RSF1: variants seen among roughly 807,000 people sequenced by gnomAD.
RSF1 encodes the protein remodeling and spacing factor 1, also known as HBV pX-associated protein 8.
A neutral mutation model predicts 145.2 loss-of-function variants in RSF1; 13 were observed. The observed-to-expected ratio is 0.09, with a 90% CI of 0.06 to 0.14. RSF1 has a LOEUF of 0.14. RSF1 is among the 10% of genes least tolerant of loss of function. RSF1 has a pLI of 1.00. For missense variants in RSF1, 1,517 were observed against 1,718.2 expected (o/e 0.88, Z 2.07); for synonymous variants, 577 against 592.6 (o/e 0.97, Z 0.38).
the RSF1 span, among the ~76,000 whole-genome samples, chr11:77,837,592 C>T: frequency 5.3e-5 from 8 of 151,928 alleles, no homozygotes; most frequent in Non-Finnish European, 1.2e-4. Context: ...TGCATCACTA[C>T]GCCCGGCTAA....
intron 7 of RSF1, 117 bp from the exon 8 acceptor site, chr11:77,693,728 T>C: frequency 2.3e-6 from 1 of 434,166 alleles, no homozygotes; most frequent in Non-Finnish European, 4.1e-6. Context: ...TGCATAAAGC[T>C]AGTAAATAAA....
Position 77,797,716 on chromosome 11 carries a change from T to G in RSF1, c.187+22812A>C, listed in dbSNP as rs754829298. On this transcript the variant is annotated intron_variant, in intron 1 of 15. Transcript: ENST00000308488. ...ACAGCAAAAGAAACTATCATCAGAGTGAACAGGCAACCCATAGAATGAGAA... is the reference window on the plus strand; with the variant it reads ...ACAGCAAAAGAAACTATCATCAGAGGGAACAGGCAACCCATAGAATGAGAA... Among the ~76,000 whole-genome samples, 13 of 152,082 alleles carry G rather than the reference T, an allele frequency of 8.5e-5. No individual in the cohort carries two copies. In the South Asian group the frequency reaches 1.2e-3, roughly 15 times the overall value.
intron 1 of RSF1, among the ~76,000 whole-genome samples, chr11:77,796,465 T>C (rs1453825028): frequency 6.6e-6 from 1 of 152,188 alleles, no homozygotes; most frequent in Non-Finnish European, 1.5e-5. Flanking sequence ...GAACAGCCTT[T>C]CATGCTAAAA....
intron 8 of RSF1, among the ~76,000 whole-genome samples, chr11:77,693,204 T>C (rs1183837322): frequency 6.6e-6 from 1 of 152,162 alleles, no homozygotes; most frequent in Non-Finnish European, 1.5e-5. Flanking sequence ...AAGTGATACA[T>C]AGGAAGAAAC....
chr11:77,842,695 C>CA, the RSF1 span: 1 of 1,579,466 alleles, frequency 6.3e-7, no homozygotes, highest in Non-Finnish European at 8.6e-7. Flanking sequence ...TCCTAAGCTG[C>CA]AATGACTAAG....
chr11:77,845,566 G>C, the RSF1 span, among the ~76,000 whole-genome samples: 1 of 151,992 alleles, frequency 6.6e-6, no homozygotes, highest in Non-Finnish European at 1.5e-5. Flanking sequence ...GTGTAGCTGG[G>C]ATTACAGGTG....
intron 4 of RSF1, among the ~76,000 whole-genome samples, chr11:77,735,897 G>A (rs1487424723): frequency 2.0e-5 from 3 of 152,070 alleles, no homozygotes; most frequent in Non-Finnish European, 2.9e-5. Context: ...ACGCCACAAT[G>A]CCAGCTAATT....
In RSF1 at chr11:77,701,324, AATG is replaced by A; in HGVS notation, c.1902_1904del (p.Ile635del). 1 of 1,614,056 alleles carries A rather than the reference AATG, an allele frequency of 6.2e-7. No homozygotes were observed. The highest frequency in any genetic ancestry group is 2.2e-5 in the East Asian group (1 of 44,874). On this transcript the variant is annotated inframe_deletion, in exon 6 of 16. Coordinates refer to ENST00000308488, the MANE Select transcript of RSF1 (RefSeq NM_016578.4). Reference sequence around the variant, plus strand: ...CTGAGGCTAGTTTCTCACAGTGGTCAATGATATTAGATGGTGGAGAAGTTTCAG... The same window carrying A: ...CTGAGGCTAGTTTCTCACAGTGGTCAATATTAGATGGTGGAGAAGTTTCAG...
chr11:77,747,798 G>A (rs1022941998), intron 2 of RSF1, among the ~76,000 whole-genome samples: 28 of 152,216 alleles, frequency 1.8e-4, no homozygotes, highest in Admixed American at 4.6e-4. Flanking sequence ...GAGGAAGCCA[G>A]TAAGGGAGGT....
chr11:77,813,107 C>T (rs374093021), intron 1 of RSF1, among the ~76,000 whole-genome samples: 21 of 151,988 alleles, frequency 1.4e-4, no homozygotes, highest in African/African-American at 4.8e-4. Context: ...AACAGAAAGG[C>T]ACAAATTATG....
rs536098831 is a variant in RSF1, at chr11:77,700,742, A to C, written c.2487T>G (p.Asp829Glu). The change falls in exon 6 of 16, where the codon GAT becomes GAG. Residue 829 changes from aspartate (D) to glutamate (E), a missense_variant. Physicochemically the swap from Asp to Glu is conservative, Grantham distance 45. Transcript: ENST00000308488. ...TTACCTTGCTTACTTTAGAATTTGT[A>C]TCTTTCTCTGATTTTTTCAAAATTT... ...KKEILKKSEK[D>E]TNSKVSKVKP... is the part of the protein sequence containing the mutation. The C allele has an allele frequency of 1.1e-5, 18 of 1,585,358 alleles. No individual in the cohort carries two copies. The South Asian group carries it at 2.1e-4, about 19-fold the overall frequency.
At chr11:77,774,549 C>A (rs1314515299) in intron 1 of RSF1, among the ~76,000 whole-genome samples, 1 of 150,544 alleles carries the variant, frequency 6.6e-6, no homozygotes, top group African/African-American at 2.4e-5. Context: ...TCCAGCCTGG[C>A]CACAGAGCGA....
At chr11:77,672,426 G>A (rs866118820) in intron 14 of RSF1, among the ~76,000 whole-genome samples, 196 bp from the exon 15 acceptor site, 29 of 152,106 alleles carry the variant, frequency 1.9e-4, no homozygotes, top group Non-Finnish European at 3.5e-4. Flanking sequence ...GCATGAACAT[G>A]ACTCACTACA....
chr11:77,863,006 C>T, the RSF1 span, among the ~76,000 whole-genome samples: 1 of 152,066 alleles, frequency 6.6e-6, no homozygotes, highest in African/African-American at 2.4e-5. Flanking sequence ...GTCCTTGCTC[C>T]CAGAGCTCCT....
At chr11:77,744,712 G>A (rs538317389) in intron 3 of RSF1, among the ~76,000 whole-genome samples, 47 of 152,222 alleles carry the variant, frequency 3.1e-4, no homozygotes, top group Non-Finnish European at 5.7e-4. Context: ...AAATTTGGCT[G>A]CTAGTATTTT....
chr11:77,738,882 C>T (rs1194017587), intron 4 of RSF1: 1 of 151,282 alleles, frequency 6.6e-6, no homozygotes, highest in Non-Finnish European at 1.5e-5. Context: ...TGGGGTTTCA[C>T]CATGTTGGCC....
At position 77,702,006 on chromosome 11, in the gene RSF1, G is replaced by A. The variant is rs1960438039; in HGVS notation, c.1223C>T (p.Thr408Ile). Residue 408 changes from threonine to isoleucine, a missense_variant, in exon 6 of 16, where the codon ACT becomes ATT. Around this residue, in one of 12 missense-constraint regions of RSF1, gnomAD observed 579 missense variants for 553.5 expected, o/e 1.05. Coordinates refer to ENST00000308488, the MANE Select transcript of RSF1 (RefSeq NM_016578.4). ...ATCTTTCAAAAACTCTTTTGTTGGA[G>A]TAACTGATTTACACAAAGGTCCCTT... is the stretch of plus-strand genomic sequence containing the variant. ...PVKGPLCKSV[T>I]PTKEFLKDEI... 1 of 1,613,952 alleles carries A rather than the reference G, an allele frequency of 6.2e-7. No individual in the cohort carries two copies. The highest frequency in any genetic ancestry group is 8.5e-7 in the Non-Finnish European group (1 of 1,179,958).
rs1417817184 is a variant in RSF1 at position 77,768,638 on chromosome 11, T to C, written c.188-3949A>G. Among the ~76,000 whole-genome samples, 6 of 152,152 alleles carry C rather than the reference T, an allele frequency of 3.9e-5. No individual in the cohort carries two copies. In the East Asian group the frequency reaches 9.6e-4, roughly 24 times the overall value. On this transcript the variant is annotated intron_variant, in intron 1 of 15. Transcript: ENST00000308488. Reference sequence around the variant, plus strand: ...GGCTACTGTACTGGATAGCACTGCATAGTGTAGACCCAGCATGCTTAAAAT... The same window carrying C: ...GGCTACTGTACTGGATAGCACTGCACAGTGTAGACCCAGCATGCTTAAAAT...
chr11:77,685,301 A>G, intron 9 of RSF1, 142 bp from the exon 10 acceptor site: 1 of 443,486 alleles, frequency 2.3e-6, no homozygotes. Context: ...GCTATTATTT[A>G]TTTATTTATT....
Sources: gnomAD v4.1 joint callset for allele counts (sites outside exome capture counted in the v4.1 genomes callset) on GRCh38, gnomAD v4.1.1 for gene constraint, gnomAD v4.1.1 regional missense constraint, MANE v1.5 for transcripts, NCBI Gene and HGNC (gene_info 2026-07-23, HGNC 2026-07-21) for gene names.